Variants in NFASC observed in about 807,000 individuals in gnomAD.
NFASC encodes neurofascin, also known as neurofascin homolog.
A neutral mutation model predicts 147.5 loss-of-function variants in NFASC; 43 were observed. The observed-to-expected ratio is 0.29, with a 90% CI of 0.23 to 0.38. NFASC has a LOEUF of 0.38. Among genes scored for constraint, NFASC ranks in the 10% least tolerant of loss-of-function variants. NFASC has a pLI of 1.00. For missense variants in NFASC, 1,320 were observed against 1,689.0 expected, an observed-to-expected ratio of 0.78 and a Z score of 3.83; for synonymous variants, 622 against 665.5, an observed-to-expected ratio of 0.93 and a Z score of 1.01.
At chr1:204,860,954 A>G (rs2076606693) in intron 1 of NFASC, among the ~76,000 whole-genome samples, 1 of 148,584 alleles carries the variant, frequency 6.7e-6, no homozygotes, top group African/African-American at 2.5e-5. Flanking sequence ...TATATGGCAC[A>G]TTTTTATTTC....
At chr1:204,951,388 T>C (rs1383183951) in intron 4 of NFASC, among the ~76,000 whole-genome samples, 1 of 147,868 alleles carries the variant, frequency 6.8e-6, no homozygotes, top group Admixed American at 6.8e-5. Flanking sequence ...GGTCTTGAAC[T>C]CCTGACCTCA....
Position 204,974,101 on chromosome 1 carries a change from A to C in NFASC, c.1280-78A>C, listed in dbSNP as rs566167132. ...TGGGAAGCTGCTGTAAGCAGAAGGC[A>C]TGCAGAGGTGAGACCGAGGGGGAAG... On this transcript the variant is annotated intron_variant, in intron 12 of 29. Transcript: ENST00000339876. 1.3e-3 allele frequency: 1,469 copies of C among 1,143,486 alleles called. 3 individuals are homozygous for C. The highest frequency in any genetic ancestry group is 1.6e-3 in the Non-Finnish European group (1,250 of 780,574). The allele number at this position is 1,143,486 out of a possible 1,614,324, so 70.8% of individuals were successfully genotyped here.
chr1:204,852,851 C>T (rs1405531805), intron 1 of NFASC, among the ~76,000 whole-genome samples: 1 of 152,202 alleles, frequency 6.6e-6, no homozygotes, highest in Non-Finnish European at 1.5e-5. Context: ...TGTGTGTCTT[C>T]AGTGACATGA....
intron 1 of NFASC, among the ~76,000 whole-genome samples, chr1:204,862,711 C>T (rs1433960242): frequency 6.6e-6 from 1 of 152,142 alleles, no homozygotes; most frequent in African/African-American, 2.4e-5. Flanking sequence ...TAGGAGGTCA[C>T]TTAGGTAGTC....
chr1:204,956,387 C>T (rs974588809), intron 7 of NFASC, among the ~76,000 whole-genome samples: 9 of 152,292 alleles, frequency 5.9e-5, no homozygotes, highest in African/African-American at 2.2e-4. Flanking sequence ...CCCCTTACAC[C>T]ACTGAGTGGA....
At chr1:204,829,785 G>A (rs1671689772) in intron 1 of NFASC, among the ~76,000 whole-genome samples, 1 of 152,188 alleles carries the variant, frequency 6.6e-6, no homozygotes, top group Non-Finnish European at 1.5e-5. Flanking sequence ...CCTGGATGAG[G>A]AGCCCTGCTG....
intron 1 of NFASC, among the ~76,000 whole-genome samples, chr1:204,846,857 A>G (rs2075197577): frequency 6.6e-6 from 1 of 152,046 alleles, no homozygotes; most frequent in Non-Finnish European, 1.5e-5. Flanking sequence ...ATATTCAGCC[A>G]CAGCTGGGCA....
chr1:204,977,766 T>G, intron 17 of NFASC, 41 bp downstream of exon 17: 2 of 1,581,152 alleles, frequency 1.3e-6, no homozygotes, highest in Non-Finnish European at 1.7e-6. Flanking sequence ...GTGCCCTCTC[T>G]TGGCACCCAG....
intron 2 of NFASC, among the ~76,000 whole-genome samples, chr1:204,933,046 A>G (rs1419770121): frequency 6.6e-6 from 1 of 152,166 alleles, no homozygotes; most frequent in Non-Finnish European, 1.5e-5. Context: ...TAGCGGGGGC[A>G]GTTGGAGAGA....
chr1:204,909,768 T>TTTTCTTTC (rs375183949), intron 1 of NFASC, among the ~76,000 whole-genome samples: 6 of 151,944 alleles, frequency 3.9e-5, no homozygotes, highest in African/African-American at 1.4e-4. Context: ...AAGATTCCTT[T>TTTTCTTTC]TTTCTTTCTT....
chr1:204,985,979 T>C (rs1304272962), intron 21 of NFASC: 3 of 1,614,074 alleles, frequency 1.9e-6, no homozygotes, highest in Non-Finnish European at 2.5e-6. Flanking sequence ...GCAAGCCAGC[T>C]TCCCTGGTGA....
rs1558490559 is a variant in NFASC, at chr1:205,016,397, A to G, written c.3581A>G (p.Tyr1194Cys). ...QQESDDSLVD[Y>C]GEGGEGQFNE... is the part of the protein sequence containing the mutation. ...GAGAGTGACGACAGCCTGGTGGACTATGGCGAGGGTGGCGAGGGTCAGTTC... is the reference window on the plus strand; with the variant it reads ...GAGAGTGACGACAGCCTGGTGGACTGTGGCGAGGGTGGCGAGGGTCAGTTC... The change falls in exon 30 of 30, where the codon TAT becomes TGT. Residue 1194 changes from tyrosine (Y) to cysteine (C), a missense_variant. Physicochemically the swap from Tyr to Cys is radical, Grantham distance 194. Coordinates refer to ENST00000339876, the MANE Select transcript of NFASC (RefSeq NM_001005388.3). This position sits in a 1 kb window ranked among gnomAD's most constrained non-coding sequence, Gnocchi z 5.1. 2 of 1,613,928 alleles carry G rather than the reference A, an allele frequency of 1.2e-6. No individual in the cohort carries two copies. Among genetic ancestry groups the G allele is most frequent in the South Asian group, 1.1e-5 (1 of 91,078 alleles).
In NFASC at chr1:204,981,798, C is replaced by A; in HGVS notation, c.2248C>A (p.Pro750Thr). 1 of 1,551,368 alleles carries A rather than the reference C, an allele frequency of 6.4e-7. No homozygotes were observed. Among genetic ancestry groups the A allele is most frequent in the Non-Finnish European group, 8.7e-7 (1 of 1,144,902 alleles). The change falls in exon 21 of 30, where the codon CCC (proline) becomes ACC (threonine). Residue 750 changes from proline (P) to threonine (T), a missense_variant and splice_region_variant. This residue lies in a region of NFASC where 981 missense variants were observed against 1,289.5 expected (regional missense o/e 0.76). Coordinates refer to ENST00000339876, the MANE Select transcript of NFASC (RefSeq NM_001005388.3). ...RKNNMEITWT[P>T]MNATSAFGPN... ...CCAGCCTGTCTGTCCCTCTGCCCAG[C>A]CCATGAATGCCACCTCGGCCTTTGG...
chr1:204,960,622 A>G (rs947441916), intron 8 of NFASC, among the ~76,000 whole-genome samples: 7 of 152,196 alleles, frequency 4.6e-5, no homozygotes, highest in Non-Finnish European at 7.3e-5. Context: ...GATAGGTTAC[A>G]TTTCACCTGG....
At chr1:204,857,444 G>A (rs1334255205) in intron 1 of NFASC, among the ~76,000 whole-genome samples, 1 of 151,372 alleles carries the variant, frequency 6.6e-6, no homozygotes, top group Non-Finnish European at 1.5e-5. Context: ...CAAAATATAT[G>A]CAGTTTCCTG....
intron 1 of NFASC, chr1:204,870,648 A>C (rs2102993432): frequency 9.6e-7 from 1 of 1,043,874 alleles, no homozygotes; most frequent in South Asian, 3.4e-5. Flanking sequence ...CTCTTCCATT[A>C]TGCATGAGGG....
chr1:204,992,382 C>G (rs951591297), intron 24 of NFASC, among the ~76,000 whole-genome samples: 32 of 152,188 alleles, frequency 2.1e-4, no homozygotes, highest in Non-Finnish European at 2.9e-5. Flanking sequence ...GCTTATTCAT[C>G]CCCACCCCCA....
At chr1:204,947,028 T>C (rs2093795151) in intron 3 of NFASC, 2 of 344,436 alleles carry the variant, frequency 5.8e-6, no homozygotes, top group Non-Finnish European at 1.2e-5. Flanking sequence ...CAGGCAGTGA[T>C]AGCCACCCTG....
At chr1:204,978,755 G>C (rs568425662) in intron 17 of NFASC, among the ~76,000 whole-genome samples, 2 of 121,352 alleles carry the variant, frequency 1.6e-5, no homozygotes, top group African/African-American at 3.6e-5. Context: ...TATTCTTTGT[G>C]GGGGGGGGCT....
Sources: allele counts gnomAD v4.1 joint callset (sites outside exome capture counted in the v4.1 genomes callset), GRCh38; gene constraint gnomAD v4.1.1; regional missense constraint gnomAD v4.1.1; non-coding constraint Gnocchi (gnomAD v3.1); transcripts MANE v1.5; gene names NCBI Gene and HGNC (gene_info 2026-07-23, HGNC 2026-07-21).